Variants in BARD1 observed in about 807,000 individuals in gnomAD.
BARD1 encodes the protein BRCA1 associated RING domain 1.
BARD1 carries 73 observed loss-of-function variants against 77.0 expected under a neutral mutation model. That is an observed-to-expected ratio of 0.95 (90% CI 0.79 to 1.15). BARD1 has a LOEUF of 1.15. Ranked by LOEUF, BARD1 falls within the 50% of genes most tolerant of loss-of-function variation. The pLI, the probability that BARD1 is intolerant of heterozygous loss-of-function variation, is 0.00. For missense variants in BARD1, 993 were observed against 938.8 expected, an observed-to-expected ratio of 1.06 and a Z score of -0.75; for synonymous variants, 384 against 338.0, an observed-to-expected ratio of 1.14 and a Z score of -1.49.
At chr2:214,806,891 A>AAAAAAAAAC (rs1559451269) in intron 1 of BARD1, among the ~76,000 whole-genome samples, 1 of 151,210 alleles carries the variant, frequency 6.6e-6, no homozygotes, top group Non-Finnish European at 1.5e-5. Context: ...AAAAAAAAAA[A>AAAAAAAAAC]AGGCACCCCA....
intron 9 of BARD1, among the ~76,000 whole-genome samples, chr2:214,732,757 T>C (rs969877511): frequency 6.6e-6 from 1 of 152,186 alleles, no homozygotes; most frequent in African/African-American, 2.4e-5. Context: ...AATGCAATGT[T>C]TTCCAAGAGT....
At chr2:214,799,003 A>C (rs1358921463) in intron 1 of BARD1, among the ~76,000 whole-genome samples, 1 of 152,082 alleles carries the variant, frequency 6.6e-6, no homozygotes, top group Non-Finnish European at 1.5e-5. Context: ...TGTAATGCCA[A>C]CAACTTGGGA....
chr2:214,783,938 C>T (rs1006941620), intron 3 of BARD1, among the ~76,000 whole-genome samples: 4 of 152,108 alleles, frequency 2.6e-5, no homozygotes, highest in African/African-American at 9.7e-5. Flanking sequence ...CTAGGCAATA[C>T]CATTCAGGAC....
In BARD1 at chr2:214,780,361, C is replaced by T. The variant is rs766860570; in HGVS notation, c.1314+199G>A. Among the ~76,000 whole-genome samples, 5 of 152,164 alleles carry T rather than the reference C, an allele frequency of 3.3e-5. No individual in the cohort carries two copies. In the East Asian group the frequency reaches 5.8e-4, roughly 18 times the overall value. On this transcript the variant is annotated intron_variant, in intron 4 of 10. Coordinates refer to ENST00000260947, the MANE Select transcript of BARD1 (RefSeq NM_000465.4). ...ATTGGTTTTCTCCTACAAGATCATG[C>T]GCCCAGACTCAGGGGCCACTGCTCC... is the stretch of plus-strand genomic sequence containing the variant.
At chr2:214,772,033 C>G (rs980095231) in intron 4 of BARD1, among the ~76,000 whole-genome samples, 1 of 151,746 alleles carries the variant, frequency 6.6e-6, no homozygotes, top group Non-Finnish European at 1.5e-5. Flanking sequence ...ATGGCATGAT[C>G]ATAGCTCACT....
intron 9 of BARD1, among the ~76,000 whole-genome samples, chr2:214,739,870 A>T (rs1432934245): frequency 2.0e-5 from 3 of 152,130 alleles, no homozygotes; most frequent in African/African-American, 7.2e-5. Context: ...ACATTACAAG[A>T]TGTGTAATTT....
Position 214,781,115 on chromosome 2 carries a change from C to T in BARD1, c.759G>A (p.Gln253=), listed in dbSNP as rs747929767. ...CTAGTAAGTCTATTTCACCATTTAT[C>T]TGAGGACTGGAGATAACAGATGGTT... ...CSQPSVISSP[Q]INGEIDLLAS... The change falls in exon 4 of 11, where the codon CAG becomes CAA. Residue 253 remains glutamine (Q), a synonymous_variant. Transcript: ENST00000260947. 1.3e-6 allele frequency: 2 copies of T among 1,580,328 alleles called. No individual in the cohort carries two copies. Among genetic ancestry groups the T allele is most frequent in the East Asian group, 4.5e-5 (2 of 44,640 alleles).
At chr2:214,739,353 G>T (rs965474026) in intron 9 of BARD1, among the ~76,000 whole-genome samples, 1 of 152,076 alleles carries the variant, frequency 6.6e-6, no homozygotes, top group Non-Finnish European at 1.5e-5. Context: ...AATTAGGGAT[G>T]TGTGTCACTC....
intron 4 of BARD1, among the ~76,000 whole-genome samples, chr2:214,769,804 G>C (rs1003036605): frequency 3.9e-5 from 6 of 152,162 alleles, no homozygotes; most frequent in Non-Finnish European, 2.9e-5. Flanking sequence ...AAGAAGTACA[G>C]TCATGCTTGA....
rs1695378480 is a variant in BARD1, at chr2:214,788,569, C to T, written c.364+3728G>A. On this transcript the variant is annotated intron_variant, in intron 3 of 10. Transcript: ENST00000260947. ...TATATATTATAGTAAATGCAAGTAA[C>T]AAGGTTCATTTGAAAGATAAATTGT... is the stretch of plus-strand genomic sequence containing the variant. 2.0e-5 allele frequency among the ~76,000 whole-genome samples: 3 copies of T among 151,978 alleles called. No homozygotes were observed. In the South Asian group the frequency reaches 6.2e-4, roughly 31 times the overall value.
intron 6 of BARD1, among the ~76,000 whole-genome samples, chr2:214,760,383 G>C (rs983472276): frequency 1.3e-5 from 2 of 152,132 alleles, no homozygotes; most frequent in African/African-American, 4.8e-5. Context: ...AGTAGAGATG[G>C]GGTTTCACCA....
In BARD1 at chr2:214,728,939, G is replaced by A. The variant is rs1036838204; in HGVS notation, c.2071C>T (p.Leu691Phe). Residue 691 changes from leucine (L) to phenylalanine (F), a missense_variant, in exon 11 of 11, where the codon CTT becomes TTT. Leu to Phe is a conservative substitution (Grantham distance 22). Transcript: ENST00000260947. Reference protein sequence around the residue: ...GTFKHHPKDNLIKLVTAGGGQ... With the variant: ...GTFKHHPKDNFIKLVTAGGGQ... ...CCACCTGCAGTGACGAGCTTAATAAGGTTGTCCTTTGGATGGTGTTTGAAG... is the reference window on the plus strand; with the variant it reads ...CCACCTGCAGTGACGAGCTTAATAAAGTTGTCCTTTGGATGGTGTTTGAAG... 16 of 1,614,046 alleles carry A rather than the reference G, an allele frequency of 9.9e-6. No individual in the cohort carries two copies. The highest frequency in any genetic ancestry group is 1.4e-5 in the Non-Finnish European group (16 of 1,180,034).
intron 4 of BARD1, among the ~76,000 whole-genome samples, chr2:214,778,610 A>G (rs1376748664): frequency 6.6e-6 from 1 of 152,134 alleles, no homozygotes; most frequent in Non-Finnish European, 1.5e-5. Flanking sequence ...TGCCTAGACC[A>G]AGAGTAGGCA....
chr2:214,783,877 A>G (rs574571759), intron 3 of BARD1, among the ~76,000 whole-genome samples: 1 of 152,314 alleles, frequency 6.6e-6, no homozygotes, highest in East Asian at 1.9e-4. Context: ...CTCAACATGG[A>G]TTAAAGACTT....
chr2:214,760,752 A>G (rs1399886417), intron 6 of BARD1, among the ~76,000 whole-genome samples: 1 of 151,868 alleles, frequency 6.6e-6, no homozygotes, highest in Non-Finnish European at 1.5e-5. Flanking sequence ...AATAGGTAAA[A>G]GTTTTACAGT....
At chr2:214,770,828 CTCT>C (rs1484090787) in intron 4 of BARD1, among the ~76,000 whole-genome samples, 1 of 152,202 alleles carries the variant, frequency 6.6e-6, no homozygotes, top group Non-Finnish European at 1.5e-5. Flanking sequence ...TGCCCTCCCA[CTCT>C]TCTTTTTTAT....
intron 9 of BARD1, among the ~76,000 whole-genome samples, chr2:214,734,598 T>C (rs1179484731): frequency 6.6e-6 from 1 of 152,178 alleles, no homozygotes; most frequent in Non-Finnish European, 1.5e-5. Flanking sequence ...GTGTACATTG[T>C]GCAGTGCTCT....
At chr2:214,738,502 T>C (rs1004690907) in intron 9 of BARD1, among the ~76,000 whole-genome samples, 1 of 152,108 alleles carries the variant, frequency 6.6e-6, no homozygotes, top group Non-Finnish European at 1.5e-5. Flanking sequence ...TCTAAATTGC[T>C]AATAACCACT....
At chr2:214,752,422 G>T in intron 7 of BARD1, 25 bp downstream of exon 7, 1 of 1,557,268 alleles carries the variant, frequency 6.4e-7, no homozygotes, top group Non-Finnish European at 8.9e-7. Context: ...ATATATAAAT[G>T]TCCCAAAGCT....
Sources: gnomAD v4.1 joint callset for allele counts (sites outside exome capture counted in the v4.1 genomes callset) on GRCh38, gnomAD v4.1.1 for gene constraint, MANE v1.5 for transcripts, NCBI Gene and HGNC (gene_info 2026-07-23, HGNC 2026-07-21) for gene names.